Variants in ERN1 observed in about 807,000 individuals in gnomAD.
The protein encoded by ERN1 is serine/threonine-protein kinase/endoribonuclease IRE1.
In ERN1, 39 loss-of-function variants were observed where a neutral mutation model predicts 113.1. That is an observed-to-expected ratio of 0.34 (90% CI 0.27 to 0.45). The LOEUF (loss-of-function observed/expected upper bound fraction) is 0.45. Ranked by LOEUF, ERN1 falls within the 20% of genes least tolerant of loss-of-function variation. ERN1 has a pLI of 1.00. For synonymous variants in ERN1, 507 were observed against 515.9 expected, an observed-to-expected ratio of 0.98 and a Z score of 0.23; for missense variants, 976 against 1,274.8, an observed-to-expected ratio of 0.77 and a Z score of 3.57.
Position 64,055,850 on chromosome 17 carries a change from G to A in ERN1, c.1497C>T (p.His499=). 1 of 1,553,890 alleles carries A rather than the reference G, an allele frequency of 6.4e-7. No homozygotes were observed. The highest frequency in any genetic ancestry group is 8.7e-7 in the Non-Finnish European group (1 of 1,148,438). The change falls in exon 13 of 22, where the codon CAC becomes CAT. Residue 499 remains histidine (H), a synonymous_variant. Transcript: ENST00000433197. ...CGTCCTGAGCCGTGTCTCCAGGTGG[G>A]TGGAAGGGCAGCTGCTGCTGCTGCT... is the stretch of plus-strand genomic sequence containing the variant. ...LQQQQQQLPF[H]PPGDTAQDGE...
At chr17:64,090,931 A>G (rs914742560) in intron 2 of ERN1, among the ~76,000 whole-genome samples, 11 of 152,236 alleles carry the variant, frequency 7.2e-5, no homozygotes, top group Non-Finnish European at 5.9e-5. Flanking sequence ...AGAAAGAACC[A>G]ACACATTTCC....
At chr17:64,048,233 T>C (rs193032824) in intron 18 of ERN1, among the ~76,000 whole-genome samples, 1 of 152,350 alleles carries the variant, frequency 6.6e-6, no homozygotes, top group East Asian at 1.9e-4. Flanking sequence ...GGTGCCTCCC[T>C]ACGCTGGGCC....
chr17:64,057,789 T>G lies in ERN1; in HGVS notation c.1398+13A>C, dbSNP rs1024460443. 2 of 1,611,842 alleles carry G rather than the reference T, an allele frequency of 1.2e-6. No homozygotes were observed. Among genetic ancestry groups the G allele is most frequent in the Non-Finnish European group, 1.7e-6 (2 of 1,178,972 alleles). Reference sequence around the variant, plus strand: ...AAATAGGTGGATGGCAAAGGGGAATTGTTGAGCTTTACCAGGGGATAGGTG... The same window carrying G: ...AAATAGGTGGATGGCAAAGGGGAATGGTTGAGCTTTACCAGGGGATAGGTG... On this transcript the variant is annotated intron_variant, in intron 12 of 21. Coordinates refer to ENST00000433197, the MANE Select transcript of ERN1 (RefSeq NM_001433.5).
At chr17:64,047,654 T>TA (rs1260770979) in intron 19 of ERN1, among the ~76,000 whole-genome samples, 2 of 152,112 alleles carry the variant, frequency 1.3e-5, no homozygotes, top group African/African-American at 4.8e-5. Flanking sequence ...CATGTACAGT[T>TA]AAAAAAAGGG....
chr17:64,063,499 G>C lies in ERN1; in HGVS notation c.1087+487C>G, dbSNP rs539981758. Among the ~76,000 whole-genome samples, 6 of 152,232 alleles carry C rather than the reference G, an allele frequency of 3.9e-5. No homozygotes were observed. Among genetic ancestry groups the C allele is most frequent in the African/African-American group, 1.4e-4 (6 of 41,520 alleles). On this transcript the variant is annotated intron_variant, in intron 10 of 21. Coordinates refer to ENST00000433197, the MANE Select transcript of ERN1 (RefSeq NM_001433.5). The surrounding 1 kb of genome is among the most constrained non-coding windows in gnomAD (Gnocchi z 5.1). The stretch of plus-strand genomic sequence containing the variant: ...TGACACTGCCCTAGAACCACAACCA[G>C]CCCCTGACTCTGCTGCTCTCAATCC...
intron 1 of ERN1, chr17:64,098,584 T>C (rs1415304883): frequency 3.6e-6 from 2 of 551,044 alleles, no homozygotes; most frequent in East Asian, 4.8e-5. Context: ...CTCTAAAACC[T>C]GGGCATCTCA....
At chr17:64,079,384 GT>G in intron 4 of ERN1, among the ~76,000 whole-genome samples, 1 of 152,114 alleles carries the variant, frequency 6.6e-6, no homozygotes, top group South Asian at 2.1e-4. Flanking sequence ...AGCAAACCCT[GT>G]TCTTAACATT....
intron 4 of ERN1, among the ~76,000 whole-genome samples, chr17:64,077,522 G>T (rs755529080): frequency 2.6e-5 from 4 of 152,036 alleles, no homozygotes; most frequent in Non-Finnish European, 5.9e-5. Context: ...TAAGTGAATG[G>T]CAGCGTGTGG....
chr17:64,059,723 T>C (rs1912991131), intron 11 of ERN1, among the ~76,000 whole-genome samples: 1 of 152,110 alleles, frequency 6.6e-6, no homozygotes, highest in African/African-American at 2.4e-5. Context: ...TAGAGTCCTT[T>C]CTACTCCCTC....
chr17:64,070,666 C>T (rs769023992), intron 6 of ERN1, among the ~76,000 whole-genome samples: 21 of 152,156 alleles, frequency 1.4e-4, no homozygotes, highest in African/African-American at 3.4e-4. Flanking sequence ...ACTTTCAGGA[C>T]GGTTCTCTTT....
chr17:64,080,879 G>T lies in ERN1; in HGVS notation c.176-71C>A, dbSNP rs145185004. On this transcript the variant is annotated intron_variant, in intron 2 of 21. Transcript: ENST00000433197. ...GTCAAGATTCCCAGAGGCTTCCCAG[G>T]ACCAGGCCAAGTTGTACCGGTAATA... 112 of 1,503,530 alleles carry T rather than the reference G, an allele frequency of 7.4e-5. No individual in the cohort carries two copies. The African/African-American group carries it at 1.3e-3, about 17-fold the overall frequency. The allele number at this position is 1,503,530 out of a possible 1,614,324, so 93.1% of individuals were successfully genotyped here.
chr17:64,068,401 A>C, intron 6 of ERN1, 110 bp from the exon 7 acceptor site: 1 of 751,670 alleles, frequency 1.3e-6, no homozygotes, highest in Non-Finnish European at 2.3e-6. Flanking sequence ...CTGTAGGCCA[A>C]AAAGTCCAGA....
chr17:64,115,928 A>T (rs940484323), intron 1 of ERN1, among the ~76,000 whole-genome samples: 3 of 152,190 alleles, frequency 2.0e-5, no homozygotes, highest in African/African-American at 7.2e-5. Flanking sequence ...TCTAGCCCCA[A>T]CCAATCAAAA....
intron 20 of ERN1, 51 bp downstream of exon 20, chr17:64,045,308 G>A: frequency 6.2e-7 from 1 of 1,610,992 alleles, no homozygotes; most frequent in Middle Eastern, 1.7e-4. Context: ...TTTTTGGAAA[G>A]GCGGCAGCGA....
intron 1 of ERN1, among the ~76,000 whole-genome samples, chr17:64,115,504 G>A (rs1259390900): frequency 6.6e-6 from 1 of 152,190 alleles, no homozygotes; most frequent in African/African-American, 2.4e-5. Context: ...CTTCCCGAAA[G>A]CTGACTTGGC....
chr17:64,128,463 G>A (rs961964757), intron 1 of ERN1, among the ~76,000 whole-genome samples: 1 of 152,114 alleles, frequency 6.6e-6, no homozygotes, highest in African/African-American at 2.4e-5. Context: ...CAGCTAAATC[G>A]TTATTTTTGG....
chr17:64,049,971 C>T lies in ERN1; in HGVS notation c.2254-769G>A, dbSNP rs1382157249. On this transcript the variant is annotated intron_variant, in intron 17 of 21. Coordinates refer to ENST00000433197, the MANE Select transcript of ERN1 (RefSeq NM_001433.5). The surrounding 1 kb of genome is among the most constrained non-coding windows in gnomAD (Gnocchi z 4.7). ...AGGGTCTAGTGTGAGGAAGCAGGGG[C>T]TCATCACCTCCCATGCTGGAGGAGA... Among the ~76,000 whole-genome samples the T allele has an allele frequency of 6.6e-6, 1 of 152,140 alleles. No individual in the cohort carries two copies. Among genetic ancestry groups the T allele is most frequent in the Non-Finnish European group, 1.5e-5 (1 of 68,022 alleles).
chr17:64,079,631 T>G (rs1396565824), intron 4 of ERN1, 31 bp downstream of exon 4: 21 of 1,572,758 alleles, frequency 1.3e-5, no homozygotes, highest in Non-Finnish European at 1.8e-5. Context: ...CTAGAACCCC[T>G]GGAGTACAAA....
Position 64,063,667 on chromosome 17 carries a change from T to C in ERN1, c.1087+319A>G, listed in dbSNP as rs1234404168. On this transcript the variant is annotated intron_variant, in intron 10 of 21. Coordinates refer to ENST00000433197, the MANE Select transcript of ERN1 (RefSeq NM_001433.5). This position sits in a 1 kb window ranked among gnomAD's most constrained non-coding sequence, Gnocchi z 5.1. Reference sequence around the variant, plus strand: ...ATAAAATGGAAATGACAAGGGTACCTACCTCACACAGGGTTGCTGTGAGGA... The same window carrying C: ...ATAAAATGGAAATGACAAGGGTACCCACCTCACACAGGGTTGCTGTGAGGA... 2.6e-5 allele frequency among the ~76,000 whole-genome samples: 4 copies of C among 152,186 alleles called. No homozygotes were observed. Among genetic ancestry groups the C allele is most frequent in the African/African-American group, 7.2e-5 (3 of 41,444 alleles).
Sources: allele counts gnomAD v4.1 joint callset (sites outside exome capture counted in the v4.1 genomes callset), GRCh38; gene constraint gnomAD v4.1.1; non-coding constraint Gnocchi (gnomAD v3.1); transcripts MANE v1.5; gene names NCBI Gene and HGNC (gene_info 2026-07-23, HGNC 2026-07-21).